ASTN2: variants seen among roughly 807,000 people sequenced by gnomAD.
ASTN2 encodes the protein astrotactin 2.
ASTN2 carries 54 observed loss-of-function variants against 139.8 expected under a neutral mutation model. The ratio of observed to expected loss-of-function variants is 0.39; its 90% CI spans 0.31 to 0.48. The LOEUF (loss-of-function observed/expected upper bound fraction) is 0.48, where lower values mean the gene tolerates loss of function less well. Among genes scored for constraint, ASTN2 ranks in the 20% least tolerant of loss-of-function variants. The pLI is 0.95. For missense variants in ASTN2, 1,565 were observed against 1,725.1 expected, an observed-to-expected ratio of 0.91 and a Z score of 1.64; for synonymous variants, 756 against 719.5, an observed-to-expected ratio of 1.05 and a Z score of -0.81.
chr9:116,462,721 G>C (rs1848525557), intron 20 of ASTN2, among the ~76,000 whole-genome samples: 1 of 151,640 alleles, frequency 6.6e-6, no homozygotes, highest in Non-Finnish European at 1.5e-5. Context: ...GGAAGTTCTA[G>C]CTTTTTACCT....
At chr9:116,664,113 CTA>C (rs544166119) in intron 16 of ASTN2, among the ~76,000 whole-genome samples, 1 of 152,080 alleles carries the variant, frequency 6.6e-6, no homozygotes, top group South Asian at 2.1e-4. Flanking sequence ...GGTTGAAAAA[CTA>C]TGAAGCATCC....
intron 13 of ASTN2, among the ~76,000 whole-genome samples, chr9:116,770,440 A>G (rs1431309061): frequency 6.6e-6 from 1 of 152,116 alleles, no homozygotes; most frequent in Non-Finnish European, 1.5e-5. Context: ...AATATTTTTA[A>G]TTCTTAGAAT....
At chr9:117,257,351 G>A (rs1001780328) in intron 2 of ASTN2, among the ~76,000 whole-genome samples, 5 of 152,314 alleles carry the variant, frequency 3.3e-5, no homozygotes, top group South Asian at 4.1e-4. Flanking sequence ...ATGATCCAGC[G>A]CTAGAGATGA....
At position 116,424,099 on chromosome 9, in the gene ASTN2, G is replaced by A. The variant is rs1412047958; in HGVS notation, c.*1752C>T. ...GGTAGCTTATTTGAGCTAATATGAG[G>A]GTGTTAAGAATTTATAACATCTCTT... is the stretch of plus-strand genomic sequence containing the variant. On this transcript the variant is annotated 3_prime_UTR_variant, in exon 23 of 23. Transcript: ENST00000313400. 6.6e-6 allele frequency among the ~76,000 whole-genome samples: 1 copy of A among 152,054 alleles called. No homozygotes were observed. Among genetic ancestry groups the A allele is most frequent in the Non-Finnish European group, 1.5e-5 (1 of 68,024 alleles).
intron 18 of ASTN2, among the ~76,000 whole-genome samples, chr9:116,619,851 T>C (rs10983275): frequency 2.6e-5 from 4 of 152,038 alleles, no homozygotes; most frequent in African/African-American, 9.7e-5. Context: ...TTTTATACTG[T>C]ATTTTCCTGT....
At chr9:116,759,361 C>G (rs1265744866) in intron 13 of ASTN2, among the ~76,000 whole-genome samples, 1 of 152,190 alleles carries the variant, frequency 6.6e-6, no homozygotes, top group Non-Finnish European at 1.5e-5. Context: ...TAAACATTTT[C>G]TACCTTAAGT....
chr9:117,021,406 G>C (rs1413897454), intron 6 of ASTN2, among the ~76,000 whole-genome samples: 1 of 152,070 alleles, frequency 6.6e-6, no homozygotes, highest in Non-Finnish European at 1.5e-5. Flanking sequence ...GCCAAACCAT[G>C]GTTTATGAAT....
intron 16 of ASTN2, chr9:116,697,997 C>T: frequency 1.2e-6 from 2 of 1,614,188 alleles, no homozygotes; most frequent in Non-Finnish European, 1.7e-6. Context: ...TGCTAAAGAT[C>T]ATTGATACAG....
intron 13 of ASTN2, among the ~76,000 whole-genome samples, chr9:116,786,050 T>C (rs1205689321): frequency 1.3e-5 from 2 of 152,176 alleles, no homozygotes; most frequent in Non-Finnish European, 2.9e-5. Flanking sequence ...TCCTACTACT[T>C]GCCCCGCCTC....
intron 5 of ASTN2, among the ~76,000 whole-genome samples, chr9:117,085,207 C>T (rs190217918): frequency 1.3e-5 from 2 of 152,264 alleles, no homozygotes; most frequent in Non-Finnish European, 2.9e-5. Context: ...GCATCATCCT[C>T]GGGGAAGATT....
intron 19 of ASTN2, among the ~76,000 whole-genome samples, chr9:116,516,742 T>C (rs1010971371): frequency 6.6e-6 from 1 of 152,190 alleles, no homozygotes; most frequent in Non-Finnish European, 1.5e-5. Flanking sequence ...GGCTACCAGC[T>C]TCCTGGAAAT....
chr9:117,220,868 G>A (rs755406029), intron 2 of ASTN2, among the ~76,000 whole-genome samples: 4 of 152,182 alleles, frequency 2.6e-5, no homozygotes. Context: ...GTCTAAGCTT[G>A]GAGATCACTT....
intron 16 of ASTN2, among the ~76,000 whole-genome samples, chr9:116,685,397 G>A (rs1024770789): frequency 6.6e-6 from 1 of 152,168 alleles, no homozygotes; most frequent in African/African-American, 2.4e-5. Context: ...CTCCCGCACA[G>A]CTGACTCTGC....
chr9:116,943,444 G>T (rs969452521), intron 10 of ASTN2, among the ~76,000 whole-genome samples: 3 of 152,138 alleles, frequency 2.0e-5, no homozygotes, highest in African/African-American at 7.2e-5. Flanking sequence ...AAAAAAGCCA[G>T]ATTCAGAGGT....
intron 14 of ASTN2, among the ~76,000 whole-genome samples, chr9:116,729,480 A>G (rs1303108817): frequency 1.3e-5 from 2 of 152,208 alleles, no homozygotes; most frequent in Non-Finnish European, 2.9e-5. Flanking sequence ...GTGAGGCTCA[A>G]GTAAGGTACC....
chr9:117,113,453 C>T (rs1462295210), intron 4 of ASTN2, among the ~76,000 whole-genome samples: 1 of 152,082 alleles, frequency 6.6e-6, no homozygotes, highest in Non-Finnish European at 1.5e-5. Flanking sequence ...GTCAGAAGTT[C>T]AAGACCAGCC....
At chr9:116,537,710 A>C (rs1851703661) in intron 19 of ASTN2, among the ~76,000 whole-genome samples, 1 of 152,206 alleles carries the variant, frequency 6.6e-6, no homozygotes, top group Admixed American at 6.5e-5. Context: ...AACTCCACTG[A>C]CTATCATAGA....
intron 3 of ASTN2, among the ~76,000 whole-genome samples, chr9:117,150,774 G>T (rs1830310753): frequency 6.6e-6 from 1 of 152,104 alleles, no homozygotes; most frequent in African/African-American, 2.4e-5. Context: ...ATAGCTTACT[G>T]CAGCCTTGAA....
At chr9:116,754,011 T>G (rs982705947) in intron 13 of ASTN2, among the ~76,000 whole-genome samples, 2 of 121,034 alleles carry the variant, frequency 1.7e-5, no homozygotes, top group African/African-American at 6.3e-5. Flanking sequence ...CCCTGCTGCG[T>G]CCATGTGTTC....
Sources: gnomAD v4.1 joint callset for allele counts (sites outside exome capture counted in the v4.1 genomes callset) on GRCh38, gnomAD v4.1.1 for gene constraint, MANE v1.5 for transcripts, NCBI Gene and HGNC (gene_info 2026-07-23, HGNC 2026-07-21) for gene names.